The following PCDH15 variants were observed in gnomAD, a reference collection of about 807,000 sequenced individuals.
PCDH15 encodes the protein protocadherin related 15, also known as protocadherin-15.
PCDH15 carries 129 observed loss-of-function variants against 178.5 expected under a neutral mutation model. The observed-to-expected ratio is 0.72, with a 90% confidence interval of 0.63 to 0.84. The LOEUF (loss-of-function observed/expected upper bound fraction) is 0.84. Ranked by LOEUF, PCDH15 falls within the 40% of genes least tolerant of loss-of-function variation. The probability of loss-of-function intolerance (pLI) is 0.00; values close to 1 mark genes in which losing one functional copy is unlikely to be tolerated. For missense variants in PCDH15, 2,230 were observed against 2,099.9 expected, an observed-to-expected ratio of 1.06 and a Z score of -1.21; for synonymous variants, 800 against 732.0, an observed-to-expected ratio of 1.09 and a Z score of -1.50.
At chr10:54,323,419 T>C (rs2061731331) in intron 7 of PCDH15, among the ~76,000 whole-genome samples, 1 of 152,146 alleles carries the variant, frequency 6.6e-6, no homozygotes, top group African/African-American at 2.4e-5. Context: ...CATGTCTACA[T>C]TAATTGCCAT....
chr10:54,665,801 C>T lies in PCDH15; in HGVS notation c.-28-1511G>A, dbSNP rs376680814. Among the ~76,000 whole-genome samples, 18 of 151,986 alleles carry T rather than the reference C, an allele frequency of 1.2e-4. No individual in the cohort carries two copies. In the South Asian group the frequency reaches 1.2e-3, roughly 11 times the overall value. On this transcript the variant is annotated intron_variant, in intron 1 of 37. Coordinates refer to ENST00000644397, the MANE Select transcript of PCDH15 (RefSeq NM_001384140.1). ...TTCCTAACTGGCAAAGTGCTTGGCG[C>T]GTGCATTTATAATTTCTAGGGACAG...
chr10:54,157,991 C>G (rs1017523436), intron 13 of PCDH15, among the ~76,000 whole-genome samples: 22 of 152,192 alleles, frequency 1.4e-4, no homozygotes, highest in African/African-American at 5.1e-4. Context: ...ACTTTATTGT[C>G]CACATCACTA....
intron 2 of PCDH15, chr10:55,366,058 C>T (rs1845351735): frequency 1.3e-5 from 2 of 152,128 alleles, no homozygotes; most frequent in Non-Finnish European, 2.9e-5. Flanking sequence ...AACTCATCAT[C>T]AGATCATTTG....
rs2135720 is a variant in PCDH15 at position 53,995,731 on chromosome 10, C to T, written c.2786G>A (p.Arg929Gln). 357,782 of 1,613,478 alleles carry T rather than the reference C, an allele frequency of 0.22. 44,202 individuals are homozygous for T. The highest frequency in any genetic ancestry group is 0.51 in the East Asian group (22,894 of 44,852). The change falls in exon 21 of 38, where the codon CGA becomes CAA. Residue 929 changes from arginine (R) to glutamine (Q), a missense_variant. Coordinates refer to ENST00000644397, the MANE Select transcript of PCDH15 (RefSeq NM_001384140.1). ...CGGAGCCACCATCCCTTTGTATATT[C>T]GTTTACTAAAGACAGGAGGATAATC... ...MNDYPPVFSK[R>Q]IYKGMVAPDA...
rs1491511066 is a variant in PCDH15 at position 54,442,414 on chromosome 10, C to CTTTATATATATATATA, written c.158-63473_158-63472insTATATATATATATAAA. Among the ~76,000 whole-genome samples the CTTTATATATATATATA allele has an allele frequency of 1.2e-3, 23 of 19,188 alleles. 4 individuals are homozygous for CTTTATATATATATATA. The highest frequency in any genetic ancestry group is 2.3e-3 in the East Asian group (1 of 432). The allele number at this position is 19,188 out of a possible 152,430, so 12.6% of individuals were successfully genotyped here. A position where few individuals can be genotyped will look rare whatever the true frequency, so the allele number is the denominator to read the frequency against. On this transcript the variant is annotated intron_variant, in intron 3 of 37. Coordinates refer to ENST00000644397, the MANE Select transcript of PCDH15 (RefSeq NM_001384140.1). The stretch of plus-strand genomic sequence containing the variant: ...TTAAAAAAAAAAAAGGCCTTAAAGG[C>CTTTATATATATATATA]TATATATATATATATATATATATAT...
At chr10:54,718,320 T>A (rs1420741936) in intron 1 of PCDH15, among the ~76,000 whole-genome samples, 1 of 151,822 alleles carries the variant, frequency 6.6e-6, no homozygotes, top group African/African-American at 2.4e-5. Context: ...TCAACAGCAG[T>A]GGGGAATGAG....
intron 1 of PCDH15, among the ~76,000 whole-genome samples, chr10:54,767,377 T>G (rs1948634522): frequency 6.6e-6 from 1 of 152,094 alleles, no homozygotes; most frequent in Non-Finnish European, 1.5e-5. Flanking sequence ...TGCTAATAAG[T>G]GTTTAGATCA....
intron 2 of PCDH15, among the ~76,000 whole-genome samples, chr10:54,556,801 T>C (rs1349174822): frequency 9.2e-5 from 14 of 152,048 alleles, no homozygotes; most frequent in Admixed American, 9.2e-4. Context: ...AACTTAGTTG[T>C]TAGTAACTCA....
chr10:54,435,266 A>G (rs2075305969), intron 3 of PCDH15, among the ~76,000 whole-genome samples: 1 of 152,172 alleles, frequency 6.6e-6, no homozygotes, highest in African/African-American at 2.4e-5. Context: ...TGTTGAACAG[A>G]TGATTCTGAC....
intron 3 of PCDH15, among the ~76,000 whole-genome samples, chr10:54,884,325 T>TC (rs1554810425): frequency 6.6e-6 from 1 of 151,824 alleles, no homozygotes; most frequent in Non-Finnish European, 1.5e-5. Context: ...AGAGACACAT[T>TC]AAATCAAATA....
At chr10:55,468,558 A>AT (rs1286477783) in intron 2 of PCDH15, 2 of 152,238 alleles carry the variant, frequency 1.3e-5, no homozygotes, top group East Asian at 1.9e-4. Flanking sequence ...ATAGAAATAC[A>AT]TTTTTTTATC....
rs184093946 is a variant in PCDH15, at chr10:55,329,744, T to C, written c.-155-163093A>G. Reference sequence around the variant, plus strand: ...AATTTTGAGATGCCAACCAATAATATAGGTTCTAAGAATATATGATTAAAC... The same window carrying C: ...AATTTTGAGATGCCAACCAATAATACAGGTTCTAAGAATATATGATTAAAC... On this transcript the variant is annotated intron_variant, in intron 2 of 5. Coordinates refer to the PCDH15 transcript ENST00000613346. 7.9e-5 allele frequency among the ~76,000 whole-genome samples: 12 copies of C among 151,848 alleles called. No individual in the cohort carries two copies. In the East Asian group the frequency reaches 2.1e-3, roughly 27 times the overall value.
intron 2 of PCDH15, among the ~76,000 whole-genome samples, chr10:54,590,153 A>T (rs576264442): frequency 6.6e-6 from 1 of 152,250 alleles, no homozygotes; most frequent in South Asian, 2.1e-4. Context: ...CCATTTAGTG[A>T]ACTTTTAAAC....
intron 3 of PCDH15, among the ~76,000 whole-genome samples, chr10:54,380,700 TGCTCC>T (rs1431048432): frequency 4.1e-5 from 2 of 48,434 alleles, no homozygotes; most frequent in African/African-American, 1.4e-4. Context: ...CATATATATA[TGCTCC>T]ATATATATAT....
intron 2 of PCDH15, among the ~76,000 whole-genome samples, chr10:54,620,662 G>A (rs916615380): frequency 5.3e-5 from 8 of 152,044 alleles, no homozygotes; most frequent in Non-Finnish European, 4.4e-5. Context: ...GGCAGAAATT[G>A]TTATTAGTAG....
At chr10:53,846,107 G>C (rs1259175419) in intron 28 of PCDH15, among the ~76,000 whole-genome samples, 7 of 151,234 alleles carry the variant, frequency 4.6e-5, no homozygotes, top group Non-Finnish European at 1.0e-4. Flanking sequence ...TGACTTCTTG[G>C]TAGCAATATA....
At chr10:54,952,452 T>C (rs1397917221) in intron 2 of PCDH15, among the ~76,000 whole-genome samples, 3 of 151,826 alleles carry the variant, frequency 2.0e-5, no homozygotes, top group South Asian at 2.1e-4. Context: ...TCTCTAACTC[T>C]GTTTTTCTCT....
chr10:54,658,098 A>G (rs2094438221), intron 2 of PCDH15, among the ~76,000 whole-genome samples: 1 of 152,168 alleles, frequency 6.6e-6, no homozygotes, highest in Admixed American at 6.5e-5. Flanking sequence ...AAGAAAAAAT[A>G]ATTTTTAAAA....
chr10:54,451,932 T>G (rs2136300911), intron 3 of PCDH15, among the ~76,000 whole-genome samples: 1 of 152,106 alleles, frequency 6.6e-6, no homozygotes, highest in East Asian at 1.9e-4. Context: ...TTTAAGAATT[T>G]TTCTTTACAG....
Sources: allele counts gnomAD v4.1 joint callset (sites outside exome capture counted in the v4.1 genomes callset), GRCh38; gene constraint gnomAD v4.1.1; transcripts MANE v1.5; gene names NCBI Gene and HGNC (gene_info 2026-07-23, HGNC 2026-07-21).